COL1A1: variants seen among roughly 807,000 people sequenced by gnomAD.
COL1A1 encodes the protein collagen alpha-1(I) chain.
Under a neutral mutation model 195.7 loss-of-function variants are expected in COL1A1, and 21 were observed. The ratio of observed to expected loss-of-function variants is 0.11; its 90% CI spans 0.08 to 0.15. The LOEUF is 0.15. COL1A1 is among the 10% of genes least tolerant of loss of function. The pLI is 1.00. For synonymous variants in COL1A1, 749 were observed against 747.3 expected (o/e 1.00, Z -0.04); for missense variants, 1,365 against 2,051.0 (o/e 0.67, Z 6.46).
intron 1 of COL1A1, among the ~76,000 whole-genome samples, chr17:50,200,463 C>T (rs181712806): frequency 2.6e-5 from 4 of 152,032 alleles, no homozygotes; most frequent in African/African-American, 9.7e-5. Flanking sequence ...GAGGCCCCCC[C>T]AAGACTTGAA....
At chr17:50,191,537 G>A (rs1422959792) in intron 31 of COL1A1, 47 bp from the exon 32 acceptor site, 2 of 1,549,098 alleles carry the variant, frequency 1.3e-6, no homozygotes, top group Non-Finnish European at 8.9e-7. Context: ...GGCCCCAAGA[G>A]TGGGTCACAG....
Position 50,194,240 on chromosome 17 carries a change from G to A in COL1A1, c.1615-57C>T, listed in dbSNP as rs979665690. On this transcript the variant is annotated intron_variant, in intron 23 of 50. Transcript: ENST00000225964. The surrounding 1 kb of genome is among the most constrained non-coding windows in gnomAD (Gnocchi z 6.8). The stretch of plus-strand genomic sequence containing the variant: ...GGGGAGAAGCATGATGGAGGTGGGG[G>A]AGGACTCCAGAGGGCAGACCCTTGG... 1.3e-5 allele frequency: 21 copies of A among 1,586,266 alleles called. No individual in the cohort carries two copies. Among genetic ancestry groups the A allele is most frequent in the Non-Finnish European group, 1.8e-5 (21 of 1,156,178 alleles).
At position 50,195,911 on chromosome 17, in the gene COL1A1, G is replaced by C. The variant is rs763532065; in HGVS notation, c.1056+12C>G. 5.7e-6 allele frequency: 9 copies of C among 1,573,214 alleles called. No individual in the cohort carries two copies. The South Asian group carries it at 8.2e-5, about 14-fold the overall frequency. ...ATGAGGGTCATGCTTAGAGGAGAGTGGGGGGTCTCACCTTAGCACCAACAG... is the reference window on the plus strand; with the variant it reads ...ATGAGGGTCATGCTTAGAGGAGAGTCGGGGGTCTCACCTTAGCACCAACAG... On this transcript the variant is annotated intron_variant, in intron 16 of 50. Transcript: ENST00000225964. The surrounding 1 kb of genome is among the most constrained non-coding windows in gnomAD (Gnocchi z 4.3).
intron 31 of COL1A1, 117 bp downstream of exon 31, chr17:50,191,671 C>T (rs1392771378): frequency 4.0e-6 from 5 of 1,262,654 alleles, no homozygotes; most frequent in East Asian, 5.0e-5. Context: ...TGGTCTTTTC[C>T]CCCCACCCCA....
rs981872135 is a variant in COL1A1 at position 50,192,660 on chromosome 17, C to G, written c.1909G>C (p.Ala637Pro). Residue 637 changes from alanine to proline, a missense_variant, in exon 28 of 51, where the codon GCT (alanine) becomes CCT (proline). Around this residue, in one of 5 missense-constraint regions of COL1A1, gnomAD observed 671 missense variants for 1,099.9 expected, o/e 0.61. Coordinates refer to ENST00000225964, the MANE Select transcript of COL1A1 (RefSeq NM_000088.4). ...CTCACCTGGAATCCGGGGGAGCCAG[C>G]AGGGCCTTGTTCACCTCTCTCGCCA... ...PAGERGEQGP[A>P]GSPGFQGLPG... 1 of 1,614,230 alleles carries G rather than the reference C, an allele frequency of 6.2e-7. No individual in the cohort carries two copies. Among genetic ancestry groups the G allele is most frequent in the Non-Finnish European group, 8.5e-7 (1 of 1,180,034 alleles).
Position 50,189,623 on chromosome 17 carries a change from C to A in COL1A1, c.2667+56G>T. The A allele has an allele frequency of 1.2e-6, 2 of 1,612,466 alleles. No homozygotes were observed. Among genetic ancestry groups the A allele is most frequent in the Non-Finnish European group, 1.7e-6 (2 of 1,179,092 alleles). On this transcript the variant is annotated intron_variant, in intron 38 of 50. Transcript: ENST00000225964. The surrounding 1 kb of genome is among the most constrained non-coding windows in gnomAD (Gnocchi z 5.5). ...TCAGTCAGCCCCACCATCCTTCTGG[C>A]AGCCCCCACCCAGCACCCCCAACCT...
In COL1A1 at chr17:50,199,226, T is replaced by C; in HGVS notation, c.471A>G (p.Gly157=). 2.1e-6 allele frequency: 3 copies of C among 1,455,326 alleles called. No individual in the cohort carries two copies. The South Asian group carries it at 4.3e-5, about 21-fold the overall frequency. The allele number at this position is 1,455,326 out of a possible 1,614,324, so 90.2% of individuals were successfully genotyped here. The change falls in exon 5 of 51, where the codon GGA becomes GGG. Residue 157 remains glycine, a splice_region_variant and synonymous_variant. Coordinates refer to ENST00000225964, the MANE Select transcript of COL1A1 (RefSeq NM_000088.4). ...GGACACACAAGGCCTCTCCACTTACTCCTCCGAGGCCAGGGGGTCCGGGAG... is the reference window on the plus strand; with the variant it reads ...GGACACACAAGGCCTCTCCACTTACCCCTCCGAGGCCAGGGGGTCCGGGAG... ...PGPPGPPGLG[G]NFAPQLSYGY... is the part of the protein sequence containing the mutation.
rs1470848397 is a variant in COL1A1 at position 50,195,265 on chromosome 17, G to A, written c.1266C>T (p.Gly422=). ...PGARGPSGPQ[G]PGGPPGPKGN... ...CCTTGGGACCAGGAGGGCCGCCGGG[G>A]CCCTGGGGTCCAGAGGGGCCTCGGG... The change falls in exon 19 of 51, where the codon GGC becomes GGT. Residue 422 remains glycine (G), a synonymous_variant. Transcript: ENST00000225964. The surrounding 1 kb of genome is among the most constrained non-coding windows in gnomAD (Gnocchi z 4.3). 1.2e-6 allele frequency: 2 copies of A among 1,613,458 alleles called. No individual in the cohort carries two copies. Among genetic ancestry groups the A allele is most frequent in the Middle Eastern group, 1.7e-4 (1 of 6,052 alleles).
In COL1A1 at chr17:50,187,829, A is replaced by T. The variant is rs112681996; in HGVS notation, c.3369+47T>A. On this transcript the variant is annotated intron_variant, in intron 45 of 50. Coordinates refer to ENST00000225964, the MANE Select transcript of COL1A1 (RefSeq NM_000088.4). ...AAACTGAGGCGAAGCTCCCCCTCCT[A>T]TCCCACAGCACAGCATGGGGACTGG... 2.7e-5 allele frequency: 41 copies of T among 1,491,108 alleles called. 1 individual carries two copies. In the African/African-American group the frequency reaches 3.1e-4, roughly 11 times the overall value. The allele number at this position is 1,491,108 out of a possible 1,614,324, so 92.4% of individuals were successfully genotyped here.
intron 25 of COL1A1, among the ~76,000 whole-genome samples, chr17:50,193,329 A>G (rs1319041580): frequency 2.0e-5 from 3 of 152,048 alleles, no homozygotes; most frequent in African/African-American, 7.2e-5. Context: ...TTTGGACCTC[A>G]AAGAATCCAC....
intron 6 of COL1A1, 110 bp downstream of exon 6, chr17:50,198,323 G>A (rs1907780004): frequency 1.3e-6 from 2 of 1,543,018 alleles, no homozygotes; most frequent in Non-Finnish European, 1.8e-6. Context: ...GGACTCTGAG[G>A]TCCCAAAGGT....
Position 50,187,476 on chromosome 17 carries a change from T to A in COL1A1, c.3423+8A>T. The A allele has an allele frequency of 1.2e-6, 2 of 1,613,922 alleles. No individual in the cohort carries two copies. Among genetic ancestry groups the A allele is most frequent in the Non-Finnish European group, 1.7e-6 (2 of 1,179,940 alleles). ...GCTCAGGAAGAGGAGAGAGAAGGCA[T>A]GACTTACTCGGGGACCAGCAGGACC... On this transcript the variant is annotated splice_region_variant and intron_variant, in intron 46 of 50. Coordinates refer to ENST00000225964, the MANE Select transcript of COL1A1 (RefSeq NM_000088.4).
chr17:50,189,845 C>T lies in COL1A1; in HGVS notation c.2613+14G>A, dbSNP rs41316685. The T allele has an allele frequency of 1.0e-3, 1,650 of 1,606,874 alleles. 27 individuals carry two copies. In the East Asian group the frequency reaches 0.028, roughly 27 times the overall value. On this transcript the variant is annotated intron_variant, in intron 37 of 50. Coordinates refer to ENST00000225964, the MANE Select transcript of COL1A1 (RefSeq NM_000088.4). The surrounding 1 kb of genome is among the most constrained non-coding windows in gnomAD (Gnocchi z 5.5). Reference sequence around the variant, plus strand: ...AGAGGGGAGAGGCTCAACAGAGAGGCGGGTGATACTCACAGGGGGACCAGC... The same window carrying T: ...AGAGGGGAGAGGCTCAACAGAGAGGTGGGTGATACTCACAGGGGGACCAGC...
At chr17:50,187,703 C>T in intron 45 of COL1A1, 166 bp from the exon 46 acceptor site, 1 of 914,240 alleles carries the variant, frequency 1.1e-6, no homozygotes, top group South Asian at 1.5e-5. Context: ...TAATCCCTCT[C>T]TGTGTACCCC....
Position 50,194,890 on chromosome 17 carries a change from A to G in COL1A1, c.1354-62T>C. Reference sequence around the variant, plus strand: ...AGGGGCCATCCTGTGCCAGCCTCAGAGCCGGCTGAGGCTGGGCCTCCAGTG... The same window carrying G: ...AGGGGCCATCCTGTGCCAGCCTCAGGGCCGGCTGAGGCTGGGCCTCCAGTG... On this transcript the variant is annotated intron_variant, in intron 20 of 50. Coordinates refer to ENST00000225964, the MANE Select transcript of COL1A1 (RefSeq NM_000088.4). This position sits in a 1 kb window ranked among gnomAD's most constrained non-coding sequence, Gnocchi z 6.8. 1 of 1,535,126 alleles carries G rather than the reference A, an allele frequency of 6.5e-7. No homozygotes were observed. Among genetic ancestry groups the G allele is most frequent in the South Asian group, 1.1e-5 (1 of 88,538 alleles).
chr17:50,195,172 G>C lies in COL1A1; in HGVS notation c.1299+60C>G, dbSNP rs1343204788. 6.2e-7 allele frequency: 1 copy of C among 1,605,160 alleles called. No homozygotes were observed. The highest frequency in any genetic ancestry group is 8.5e-7 in the Non-Finnish European group (1 of 1,172,182). On this transcript the variant is annotated intron_variant, in intron 19 of 50. Transcript: ENST00000225964. This position sits in a 1 kb window ranked among gnomAD's most constrained non-coding sequence, Gnocchi z 4.3. ...TTGGCCTGCGTCTTCCTGCTCCCCAGATGAGAGCCGCACTGGAGCCAGTGC... is the reference window on the plus strand; with the variant it reads ...TTGGCCTGCGTCTTCCTGCTCCCCACATGAGAGCCGCACTGGAGCCAGTGC...
At chr17:50,200,995 A>G (rs920786306) in intron 1 of COL1A1, among the ~76,000 whole-genome samples, 2 of 152,214 alleles carry the variant, frequency 1.3e-5, no homozygotes, top group Admixed American at 6.5e-5. Context: ...GGCCCCAGCA[A>G]CACTCTAGCC....
At position 50,192,685 on chromosome 17, in the gene COL1A1, A is replaced by T. The variant is rs367637889; in HGVS notation, c.1884T>A (p.Ala628=). ...AQGPPGPAGP[A]GERGEQGPAG... Reference sequence around the variant, plus strand: ...CAGGGCCTTGTTCACCTCTCTCGCCAGCGGGACCCTGCACAGAGAGAACAC... The same window carrying T: ...CAGGGCCTTGTTCACCTCTCTCGCCTGCGGGACCCTGCACAGAGAGAACAC... Residue 628 remains alanine, a synonymous_variant, in exon 28 of 51, where the codon GCT becomes GCA. Transcript: ENST00000225964. The T allele has an allele frequency of 7.4e-6, 12 of 1,614,246 alleles. No individual in the cohort carries two copies. Among genetic ancestry groups the T allele is most frequent in the Non-Finnish European group, 1.0e-5 (12 of 1,180,038 alleles).
chr17:50,186,254 G>T lies in COL1A1; in HGVS notation c.4005+63C>A. 1 of 1,602,468 alleles carries T rather than the reference G, an allele frequency of 6.2e-7. No individual in the cohort carries two copies. The highest frequency in any genetic ancestry group is 1.1e-5 in the South Asian group (1 of 90,886). ...GCAGAGACCTACTCCAGGACTTCATGTCCCTTCTGAGCACTGGGCTAGCCC... is the reference window on the plus strand; with the variant it reads ...GCAGAGACCTACTCCAGGACTTCATTTCCCTTCTGAGCACTGGGCTAGCCC... On this transcript the variant is annotated intron_variant, in intron 49 of 50. Coordinates refer to ENST00000225964, the MANE Select transcript of COL1A1 (RefSeq NM_000088.4). This position sits in a 1 kb window ranked among gnomAD's most constrained non-coding sequence, Gnocchi z 5.3.
Sources: gnomAD v4.1 joint callset for allele counts (sites outside exome capture counted in the v4.1 genomes callset) on GRCh38, gnomAD v4.1.1 for gene constraint, gnomAD v4.1.1 regional missense constraint, Gnocchi (gnomAD v3.1) non-coding constraint, MANE v1.5 for transcripts, NCBI Gene and HGNC (gene_info 2026-07-23, HGNC 2026-07-21) for gene names.